Variants in PTPRO observed in about 807,000 individuals in gnomAD.
The protein encoded by PTPRO is protein tyrosine phosphatase receptor type O.
In PTPRO, 62 loss-of-function variants were observed where a neutral mutation model predicts 145.2. The ratio of observed to expected loss-of-function variants is 0.43; its 90% CI spans 0.35 to 0.53. PTPRO has a LOEUF of 0.53. Among genes scored for constraint, PTPRO ranks in the 20% least tolerant of loss-of-function variants. The pLI is 0.01. For missense variants in PTPRO, 1,345 were observed against 1,482.7 expected, an observed-to-expected ratio of 0.91 and a Z score of 1.53; for synonymous variants, 565 against 514.7, an observed-to-expected ratio of 1.10 and a Z score of -1.32.
At chr12:15,445,416 T>C (rs1591818304) in intron 1 of PTPRO, among the ~76,000 whole-genome samples, 1 of 152,246 alleles carries the variant, frequency 6.6e-6, no homozygotes, top group South Asian at 2.1e-4. Flanking sequence ...GGCACCTCTG[T>C]AAATAAAGTA....
At chr12:15,384,551 C>G (rs772870599) in intron 1 of PTPRO, among the ~76,000 whole-genome samples, 2 of 152,176 alleles carry the variant, frequency 1.3e-5, no homozygotes, top group Non-Finnish European at 2.9e-5. Context: ...CTCTCTCTTC[C>G]TTTTCTTATA....
chr12:15,357,410 A>G (rs1481744486), intron 1 of PTPRO, among the ~76,000 whole-genome samples: 6 of 152,250 alleles, frequency 3.9e-5, no homozygotes, highest in Non-Finnish European at 8.8e-5. Context: ...ATAGAAATGA[A>G]CTTTAAGAAA....
intron 15 of PTPRO, among the ~76,000 whole-genome samples, chr12:15,557,098 T>C (rs1038666325): frequency 2.6e-5 from 4 of 151,452 alleles, no homozygotes; most frequent in Non-Finnish European, 5.9e-5. Context: ...TGGAGTGCGG[T>C]GGCGCGATCT....
At chr12:15,557,311 T>G in intron 15 of PTPRO, 144 bp from the exon 16 acceptor site, 4 of 758,306 alleles carry the variant, frequency 5.3e-6, no homozygotes, top group South Asian at 1.5e-5. Flanking sequence ...ATTACAGGCG[T>G]GAGCCACCGC....
At chr12:15,532,660 T>C (rs1410610605) in intron 12 of PTPRO, among the ~76,000 whole-genome samples, 2 of 152,182 alleles carry the variant, frequency 1.3e-5, no homozygotes, top group Non-Finnish European at 2.9e-5. Context: ...TCCCTTGTGG[T>C]CTATACTTAA....
intron 1 of PTPRO, among the ~76,000 whole-genome samples, chr12:15,374,748 G>A (rs1351591735): frequency 6.6e-6 from 1 of 152,118 alleles, no homozygotes; most frequent in Non-Finnish European, 1.5e-5. Context: ...TACCAGTTGG[G>A]GTGAACAAGA....
At chr12:15,350,810 A>T (rs1937777724) in intron 1 of PTPRO, among the ~76,000 whole-genome samples, 1 of 152,172 alleles carries the variant, frequency 6.6e-6, no homozygotes, top group African/African-American at 2.4e-5. Context: ...ACATATACAC[A>T]CAACTCCCAT....
At chr12:15,403,970 G>C (rs1939574293) in intron 1 of PTPRO, among the ~76,000 whole-genome samples, 1 of 151,912 alleles carries the variant, frequency 6.6e-6, no homozygotes, top group African/African-American at 2.4e-5. Flanking sequence ...GGCCAAGGCG[G>C]GCAGATCAGA....
intron 4 of PTPRO, among the ~76,000 whole-genome samples, chr12:15,500,083 G>GGGTGGA (rs1942188197): frequency 2.7e-5 from 4 of 149,930 alleles, no homozygotes; most frequent in Non-Finnish European, 5.9e-5. Flanking sequence ...AGATGGATGG[G>GGGTGGA]TGGATGGATG....
intron 1 of PTPRO, among the ~76,000 whole-genome samples, chr12:15,365,348 T>G (rs1938329070): frequency 6.6e-6 from 1 of 152,160 alleles, no homozygotes. Flanking sequence ...TAAAAACCAT[T>G]CACTCTTTTG....
intron 15 of PTPRO, among the ~76,000 whole-genome samples, chr12:15,555,978 T>C (rs1943612845): frequency 6.6e-6 from 1 of 152,230 alleles, no homozygotes; most frequent in African/African-American, 2.4e-5. Flanking sequence ...GCAAGTCTAT[T>C]ATTAAAAAAT....
At chr12:15,519,818 T>G (rs1942676049) in intron 9 of PTPRO, among the ~76,000 whole-genome samples, 1 of 152,194 alleles carries the variant, frequency 6.6e-6, no homozygotes, top group Admixed American at 6.5e-5. Context: ...TCTGAAGGAC[T>G]CCTGTTCGTG....
At chr12:15,466,452 C>T (rs555972241) in intron 1 of PTPRO, among the ~76,000 whole-genome samples, 129 of 152,190 alleles carry the variant, frequency 8.5e-4, no homozygotes, top group South Asian at 2.3e-3. Flanking sequence ...GTTTCCTATG[C>T]AAGGGAAATT....
chr12:15,406,270 T>G (rs567668863), intron 1 of PTPRO, among the ~76,000 whole-genome samples: 7 of 152,316 alleles, frequency 4.6e-5, no homozygotes, highest in Admixed American at 3.9e-4. Context: ...CACAGGGATA[T>G]TGTTAAAATA....
intron 1 of PTPRO, among the ~76,000 whole-genome samples, chr12:15,478,131 A>G (rs1261473696): frequency 6.6e-6 from 1 of 152,212 alleles, no homozygotes; most frequent in Non-Finnish European, 1.5e-5. Flanking sequence ...GTTGGAGGGT[A>G]TGGGTACAAG....
At chr12:15,502,427 TTC>T (rs1212541725) in intron 5 of PTPRO, among the ~76,000 whole-genome samples, 1 of 152,226 alleles carries the variant, frequency 6.6e-6, no homozygotes, top group African/African-American at 2.4e-5. Flanking sequence ...TAGAGAAATT[TTC>T]TGTTTTCTCA....
At chr12:15,556,243 T>C (rs745969349) in intron 15 of PTPRO, among the ~76,000 whole-genome samples, 1 of 152,198 alleles carries the variant, frequency 6.6e-6, no homozygotes, top group Non-Finnish European at 1.5e-5. Context: ...TAAATTATAA[T>C]ACACTATGAT....
chr12:15,586,090 C>G (rs1389862739), intron 23 of PTPRO, among the ~76,000 whole-genome samples: 2 of 152,174 alleles, frequency 1.3e-5, no homozygotes, highest in African/African-American at 4.8e-5. Context: ...CACACAACAA[C>G]TCTTGTTATA....
At chr12:15,576,004 G>A (rs982217392) in intron 19 of PTPRO, among the ~76,000 whole-genome samples, 50 of 152,300 alleles carry the variant, frequency 3.3e-4, no homozygotes, top group African/African-American at 1.1e-3. Flanking sequence ...GGAGGTAGAC[G>A]TATCTTTTTG....
Sources: gnomAD v4.1 joint callset for allele counts (sites outside exome capture counted in the v4.1 genomes callset) on GRCh38, gnomAD v4.1.1 for gene constraint, MANE v1.5 for transcripts, NCBI Gene and HGNC (gene_info 2026-07-23, HGNC 2026-07-21) for gene names.